The following PCDH15 variants were observed in gnomAD, a reference collection of about 807,000 sequenced individuals.
PCDH15 encodes protocadherin related 15, also known as protocadherin-15.
In PCDH15, 129 loss-of-function variants were observed where a neutral mutation model predicts 178.5. The ratio of observed to expected loss-of-function variants is 0.72; its 90% CI spans 0.63 to 0.84. The LOEUF (loss-of-function observed/expected upper bound fraction) is 0.84. Among genes scored for constraint, PCDH15 ranks in the 40% least tolerant of loss-of-function variants. The pLI is 0.00. For missense variants in PCDH15, 2,230 were observed against 2,099.9 expected, an observed-to-expected ratio of 1.06 and a Z score of -1.21; for synonymous variants, 800 against 732.0, an observed-to-expected ratio of 1.09 and a Z score of -1.50.
intron 1 of PCDH15, among the ~76,000 whole-genome samples, chr10:55,172,025 T>A (rs1320129183): frequency 6.6e-6 from 1 of 152,016 alleles, no homozygotes; most frequent in East Asian, 1.9e-4. Flanking sequence ...AACAATAACA[T>A]AAACTCTTCC....
chr10:54,616,677 C>T (rs753939260), intron 2 of PCDH15, among the ~76,000 whole-genome samples: 1 of 152,082 alleles, frequency 6.6e-6, no homozygotes, highest in Admixed American at 6.6e-5. Flanking sequence ...CCACCAAAGA[C>T]ACTTGTTTAG....
chr10:55,492,030 G>C (rs1384570437), intron 2 of PCDH15, among the ~76,000 whole-genome samples: 1 of 151,594 alleles, frequency 6.6e-6, no homozygotes, highest in East Asian at 2.0e-4. Flanking sequence ...CCCTACTTCT[G>C]ACCACAAACT....
chr10:54,735,828 G>C (rs1254660207), intron 1 of PCDH15, among the ~76,000 whole-genome samples: 2 of 117,490 alleles, frequency 1.7e-5, no homozygotes, highest in Non-Finnish European at 3.5e-5. Context: ...AGATCACATG[G>C]ACACAGGAAG....
At chr10:54,209,972 A>C (rs1251054007) in intron 10 of PCDH15, among the ~76,000 whole-genome samples, 1 of 152,018 alleles carries the variant, frequency 6.6e-6, no homozygotes, top group East Asian at 1.9e-4. Flanking sequence ...TTTTCCTGTA[A>C]CTCTCAAATT....
intron 1 of PCDH15, among the ~76,000 whole-genome samples, chr10:55,237,953 T>C (rs994459445): frequency 1.3e-5 from 2 of 152,052 alleles, no homozygotes; most frequent in Admixed American, 1.3e-4. Context: ...ATTTAGCTTT[T>C]AGTTACCACT....
At chr10:54,790,322 T>C (rs1221012364) in intron 1 of PCDH15, among the ~76,000 whole-genome samples, 2 of 151,406 alleles carry the variant, frequency 1.3e-5, no homozygotes, top group Admixed American at 6.6e-5. Flanking sequence ...ACACACATTT[T>C]TACATATGTA....
In PCDH15 at chr10:54,604,322, GT is replaced by G. The variant is rs2092660014; in HGVS notation, c.91+59849del. Among the ~76,000 whole-genome samples, 3 of 151,788 alleles carry G rather than the reference GT, an allele frequency of 2.0e-5. No individual in the cohort carries two copies. In the Admixed American group the frequency reaches 2.0e-4, roughly 10 times the overall value. On this transcript the variant is annotated intron_variant, in intron 2 of 37. Coordinates refer to ENST00000644397, the MANE Select transcript of PCDH15 (RefSeq NM_001384140.1). The stretch of plus-strand genomic sequence containing the variant: ...GTCTCTCCTATTGTTCAAGTAAGCT[GT>G]TTTCCATTGATTTCTCTGTGGATGT...
At chr10:54,457,241 C>CA (rs560651963) in intron 3 of PCDH15, among the ~76,000 whole-genome samples, 2 of 151,810 alleles carry the variant, frequency 1.3e-5, no homozygotes, top group Non-Finnish European at 2.9e-5. Flanking sequence ...ATCAAAGTGA[C>CA]AAAAAAACGA....
At chr10:54,320,456 G>C (rs1021510067) in intron 7 of PCDH15, among the ~76,000 whole-genome samples, 2 of 151,976 alleles carry the variant, frequency 1.3e-5, no homozygotes, top group African/African-American at 4.8e-5. Context: ...TAGAGTAGGA[G>C]CAACATGTGG....
intron 2 of PCDH15, among the ~76,000 whole-genome samples, chr10:55,558,598 T>G (rs2132095943): frequency 6.6e-6 from 1 of 152,286 alleles, no homozygotes; most frequent in South Asian, 2.1e-4. Flanking sequence ...TGCATACAAT[T>G]AGTGTGCATT....
At chr10:54,325,527 T>C (rs1008285511) in intron 7 of PCDH15, among the ~76,000 whole-genome samples, 3 of 152,094 alleles carry the variant, frequency 2.0e-5, no homozygotes, top group Middle Eastern at 3.4e-3. Context: ...GGTGAGTGAA[T>C]TGCTTGAGGC....
chr10:55,496,878 A>G (rs1414337934), intron 2 of PCDH15, among the ~76,000 whole-genome samples: 2 of 151,870 alleles, frequency 1.3e-5, no homozygotes, highest in Non-Finnish European at 2.9e-5. Context: ...TGAAAAGGTC[A>G]GGTAAATAAA....
At chr10:54,384,611 C>T (rs1206311153) in intron 3 of PCDH15, among the ~76,000 whole-genome samples, 1 of 152,028 alleles carries the variant, frequency 6.6e-6, no homozygotes, top group Non-Finnish European at 1.5e-5. Context: ...TTAAATTTAT[C>T]AACATCACAG....
chr10:55,419,166 T>C (rs1838557232), intron 2 of PCDH15, among the ~76,000 whole-genome samples: 1 of 151,724 alleles, frequency 6.6e-6, no homozygotes, highest in South Asian at 2.1e-4. Flanking sequence ...AAATGTGAGA[T>C]GGCTAAGGTA....
intron 2 of PCDH15, among the ~76,000 whole-genome samples, chr10:54,645,504 A>T (rs1213011354): frequency 6.6e-6 from 1 of 152,202 alleles, no homozygotes; most frequent in East Asian, 1.9e-4. Context: ...AAAATTAAAA[A>T]AAATAAAAGT....
intron 2 of PCDH15, among the ~76,000 whole-genome samples, chr10:54,533,795 A>G (rs1182415838): frequency 6.6e-6 from 1 of 152,190 alleles, no homozygotes; most frequent in Non-Finnish European, 1.5e-5. Context: ...GAAAATTAAC[A>G]AAATGAATAA....
intron 1 of PCDH15, among the ~76,000 whole-genome samples, chr10:54,741,195 T>C (rs1219378946): frequency 6.8e-6 from 1 of 146,908 alleles, no homozygotes; most frequent in African/African-American, 2.5e-5. Context: ...TTATACATTC[T>C]CTTTTTTATA....
At chr10:54,705,998 A>G (rs1291211478) in intron 1 of PCDH15, among the ~76,000 whole-genome samples, 3 of 152,156 alleles carry the variant, frequency 2.0e-5, no homozygotes, top group African/African-American at 7.2e-5. Context: ...GAGCATATTG[A>G]GAGGTAAACA....
At chr10:53,958,978 C>CAAAAAAAAAAAAAAAAAAAAAAAAAA (rs71004497) in intron 23 of PCDH15, among the ~76,000 whole-genome samples, 1 of 45,828 alleles carries the variant, frequency 2.2e-5, no homozygotes, top group African/African-American at 9.5e-5. Flanking sequence ...GACTCCATCT[C>CAAAAAAAAAAAAAAAAAAAAAAAAAA]AAAAAAAAAA....
Sources: allele counts gnomAD v4.1 joint callset (sites outside exome capture counted in the v4.1 genomes callset), GRCh38; gene constraint gnomAD v4.1.1; transcripts MANE v1.5; gene names NCBI Gene and HGNC (gene_info 2026-07-23, HGNC 2026-07-21).